DCAF17: variants seen among roughly 807,000 people sequenced by gnomAD.
The protein encoded by DCAF17 is DDB1- and CUL4-associated factor 17.
DCAF17 carries 48 observed loss-of-function variants against 66.0 expected under a neutral mutation model. The ratio of observed to expected loss-of-function variants is 0.73; its 90% CI spans 0.58 to 0.92. The LOEUF (loss-of-function observed/expected upper bound fraction) is 0.92. Among genes scored for constraint, DCAF17 ranks in the 40% least tolerant of loss-of-function variants. The probability of loss-of-function intolerance (pLI) is 0.00; values close to 1 mark genes in which losing one functional copy is unlikely to be tolerated. For missense variants in DCAF17, 562 were observed against 622.8 expected (o/e 0.90, Z 1.04); for synonymous variants, 206 against 214.6 (o/e 0.96, Z 0.35).
chr2:171,467,636 A>G (rs575449531), intron 8 of DCAF17, among the ~76,000 whole-genome samples: 1 of 150,562 alleles, frequency 6.6e-6, no homozygotes, highest in Non-Finnish European at 1.5e-5. Flanking sequence ...AGGCTGAGGC[A>G]TGAGAATTGC....
At chr2:171,467,373 CTAT>C (rs1695965902) in intron 8 of DCAF17, among the ~76,000 whole-genome samples, 2 of 151,986 alleles carry the variant, frequency 1.3e-5, no homozygotes, top group Non-Finnish European at 2.9e-5. Flanking sequence ...CAACAGTAGG[CTAT>C]TAGTAGTTAA....
At chr2:171,465,583 A>G (rs1172604144) in intron 8 of DCAF17, among the ~76,000 whole-genome samples, 1 of 152,080 alleles carries the variant, frequency 6.6e-6, no homozygotes, top group African/African-American at 2.4e-5. Flanking sequence ...CCTTGGTTCA[A>G]CCAATTCTGC....
chr2:171,445,675 CTT>C, intron 3 of DCAF17, among the ~76,000 whole-genome samples: 1 of 152,012 alleles, frequency 6.6e-6, no homozygotes, highest in East Asian at 1.9e-4. Flanking sequence ...TTTTTTAAAA[CTT>C]AAATTTTTTT....
At chr2:171,476,978 T>G in intron 11 of DCAF17, 28 bp downstream of exon 11, 1 of 1,507,768 alleles carries the variant, frequency 6.6e-7, no homozygotes. Context: ...TAAAATCCTT[T>G]ATATATCATT....
chr2:171,434,855 G>A, intron 1 of DCAF17, 152 bp downstream of exon 1: 1 of 1,198,840 alleles, frequency 8.3e-7, no homozygotes, highest in East Asian at 2.6e-5. Flanking sequence ...TGGGATAGGT[G>A]GTAATAGGGC....
chr2:171,443,141 A>G (rs144456180), intron 2 of DCAF17: 96 of 154,008 alleles, frequency 6.2e-4, no homozygotes, highest in African/African-American at 2.1e-3. Flanking sequence ...CATTTTAAAT[A>G]TCAGAACAAT....
intron 2 of DCAF17, among the ~76,000 whole-genome samples, chr2:171,439,802 C>T (rs952832611): frequency 6.6e-6 from 1 of 151,996 alleles, no homozygotes; most frequent in African/African-American, 2.4e-5. Context: ...GTGGCACACA[C>T]CCATAATCCC....
At chr2:171,473,258 A>G (rs1696342648) in intron 9 of DCAF17, among the ~76,000 whole-genome samples, 1 of 152,216 alleles carries the variant, frequency 6.6e-6, no homozygotes, top group Non-Finnish European at 1.5e-5. Context: ...GCAGAGTTAT[A>G]TAATGGAAAG....
intron 5 of DCAF17, among the ~76,000 whole-genome samples, chr2:171,452,258 AAC>A (rs1694997772): frequency 6.6e-6 from 1 of 152,102 alleles, no homozygotes; most frequent in African/African-American, 2.4e-5. Context: ...AGCTTTGCCT[AAC>A]ACAAATTTAA....
intron 8 of DCAF17, among the ~76,000 whole-genome samples, chr2:171,466,358 G>A (rs1217720628): frequency 6.6e-6 from 1 of 152,090 alleles, no homozygotes; most frequent in Non-Finnish European, 1.5e-5. Flanking sequence ...CAGATTTTAA[G>A]TATTTTAATT....
At chr2:171,480,270 G>T in intron 13 of DCAF17, 77 bp downstream of exon 13, 4 of 1,544,976 alleles carry the variant, frequency 2.6e-6, no homozygotes, top group Non-Finnish European at 2.6e-6. Flanking sequence ...ATGTTATTGT[G>T]TTCATGTCAG....
intron 9 of DCAF17, among the ~76,000 whole-genome samples, chr2:171,471,422 A>T (rs1696237794): frequency 6.6e-6 from 1 of 152,218 alleles, no homozygotes; most frequent in Non-Finnish European, 1.5e-5. Flanking sequence ...TCACACAAAA[A>T]TCTTTTTTTG....
At chr2:171,444,304 A>C (rs557602002) in intron 3 of DCAF17, among the ~76,000 whole-genome samples, 4 of 152,202 alleles carry the variant, frequency 2.6e-5, no homozygotes, top group African/African-American at 9.7e-5. Flanking sequence ...TGTTTAAGGA[A>C]TATTTCTAAG....
chr2:171,474,112 G>A, intron 10 of DCAF17, 137 bp downstream of exon 10: 1 of 718,026 alleles, frequency 1.4e-6, no homozygotes. Flanking sequence ...CTCAGAGACT[G>A]GCATACAGAA....
intron 8 of DCAF17, among the ~76,000 whole-genome samples, chr2:171,459,178 C>T (rs1695435220): frequency 6.6e-6 from 1 of 152,052 alleles, no homozygotes; most frequent in African/African-American, 2.4e-5. Flanking sequence ...CGTGGTGGCA[C>T]ATGCCTGTAA....
At chr2:171,461,546 G>A (rs1695587534) in intron 8 of DCAF17, among the ~76,000 whole-genome samples, 1 of 152,182 alleles carries the variant, frequency 6.6e-6, no homozygotes, top group Non-Finnish European at 1.5e-5. Flanking sequence ...TTATCTCCTT[G>A]ATGTGTAATT....
chr2:171,467,727 C>CAA (rs34238683), intron 8 of DCAF17, among the ~76,000 whole-genome samples: 17 of 68,712 alleles, frequency 2.5e-4, no homozygotes, highest in African/African-American at 3.5e-4. Flanking sequence ...GAGACTGTCT[C>CAA]AAAAAAAAAA....
intron 5 of DCAF17, among the ~76,000 whole-genome samples, chr2:171,452,602 C>T (rs974603771): frequency 2.6e-5 from 4 of 152,124 alleles, no homozygotes; most frequent in African/African-American, 7.2e-5. Flanking sequence ...TACAGGCATG[C>T]GCCACCATGT....
rs928893194 is a variant in DCAF17 at position 171,449,874 on chromosome 2, A to C, written c.459-5A>C. 3 of 1,611,668 alleles carry C rather than the reference A, an allele frequency of 1.9e-6. No individual in the cohort carries two copies. In the African/African-American group the frequency reaches 4.0e-5, roughly 22 times the overall value. ...TAAATAAACTTCTCTTCATTCTTTT[A>C]AAAGATACTTGAGCTGGGACACTCC... On this transcript the variant is annotated splice_polypyrimidine_tract_variant and splice_region_variant and intron_variant, in intron 4 of 13. Coordinates refer to ENST00000375255, the MANE Select transcript of DCAF17 (RefSeq NM_025000.4).
Sources: allele counts gnomAD v4.1 joint callset (sites outside exome capture counted in the v4.1 genomes callset), GRCh38; gene constraint gnomAD v4.1.1; transcripts MANE v1.5; gene names NCBI Gene and HGNC (gene_info 2026-07-23, HGNC 2026-07-21).